The following NCS1 variants were observed in gnomAD, a reference collection of about 807,000 sequenced individuals.
NCS1 encodes the protein neuronal calcium sensor 1.
A neutral mutation model predicts 28.4 loss-of-function variants in NCS1; 6 were observed. That is an observed-to-expected ratio of 0.21 (90% confidence interval 0.12 to 0.42). NCS1 has a LOEUF of 0.42. NCS1 is among the 10% of genes least tolerant of loss of function. The probability of loss-of-function intolerance (pLI) is 1.00; values close to 1 mark genes in which losing one functional copy is unlikely to be tolerated. For synonymous variants in NCS1, 86 were observed against 99.3 expected, an observed-to-expected ratio of 0.87 and a Z score of 0.79; for missense variants, 131 against 241.4, an observed-to-expected ratio of 0.54 and a Z score of 3.03.
chr9:130,213,417 T>G (rs1833140542), intron 2 of NCS1, among the ~76,000 whole-genome samples: 1 of 145,292 alleles, frequency 6.9e-6, no homozygotes, highest in African/African-American at 2.6e-5. Context: ...AGCTGGGACT[T>G]ACAGGCGCCC....
At position 130,234,685 on chromosome 9, in the gene NCS1, G is replaced by C. The variant is rs553508757; in HGVS notation, c.*1713G>C. 1.3e-5 allele frequency: 2 copies of C among 152,264 alleles called. No individual in the cohort carries two copies. Among genetic ancestry groups the C allele is most frequent in the African/African-American group, 2.4e-5 (1 of 41,448 alleles). 9.4% of individuals were successfully genotyped at this position (152,264 alleles called of 1,614,324 possible). A position where few individuals can be genotyped will look rare whatever the true frequency, so the allele number is the denominator to read the frequency against. ...TGAGTCACAGCACAGCCCCTATTGC[G>C]TGGCTGCTGGTGTGTGGGGTCAGTT... On this transcript the variant is annotated 3_prime_UTR_variant, in exon 8 of 8. Coordinates refer to ENST00000372398, the MANE Select transcript of NCS1 (RefSeq NM_014286.4). The surrounding 1 kb of genome is among the most constrained non-coding windows in gnomAD (Gnocchi z 6.1).
rs549085791 is a variant in NCS1, at chr9:130,224,175, C to A, written c.474+1016C>A. 1.7e-3 allele frequency among the ~76,000 whole-genome samples: 260 copies of A among 149,430 alleles called. 1 individual carries two copies. Among genetic ancestry groups the A allele is most frequent in the African/African-American group, 6.2e-3 (253 of 40,856 alleles). On this transcript the variant is annotated intron_variant, in intron 6 of 7. Coordinates refer to ENST00000372398, the MANE Select transcript of NCS1 (RefSeq NM_014286.4). ...AACCCTTCTTTAAAGGGAACCAAAG[C>A]CAGGTGTGGTGGCTCACACCTGTAA...
chr9:130,200,175 C>T (rs1476689397), intron 1 of NCS1, among the ~76,000 whole-genome samples: 1 of 152,180 alleles, frequency 6.6e-6, no homozygotes, highest in Non-Finnish European at 1.5e-5. Context: ...GGAGCCGTCC[C>T]GCGCTCACAC....
Position 130,219,817 on chromosome 9 carries a change from C to T in NCS1, c.307+14C>T. The T allele has an allele frequency of 6.2e-7, 1 of 1,613,972 alleles. No individual in the cohort carries two copies. Among genetic ancestry groups the T allele is most frequent in the Non-Finnish European group, 8.5e-7 (1 of 1,179,878 alleles). Reference sequence around the variant, plus strand: ...AGAAGCTACGGTGTAAGTCCTGCCCCCTTGGCCCTGTGTGGCAGCAGCTGG... The same window carrying T: ...AGAAGCTACGGTGTAAGTCCTGCCCTCTTGGCCCTGTGTGGCAGCAGCTGG... On this transcript the variant is annotated intron_variant, in intron 4 of 7. Coordinates refer to ENST00000372398, the MANE Select transcript of NCS1 (RefSeq NM_014286.4). The surrounding 1 kb of genome is among the most constrained non-coding windows in gnomAD (Gnocchi z 5.7).
chr9:130,217,216 G>C (rs557509680), intron 2 of NCS1, among the ~76,000 whole-genome samples: 1 of 152,236 alleles, frequency 6.6e-6, no homozygotes, highest in South Asian at 2.1e-4. Context: ...CGTCAGCCAC[G>C]TAGGGATCTG....
chr9:130,219,631 G>T lies in NCS1; in HGVS notation c.229-94G>T. 1 of 1,150,524 alleles carries T rather than the reference G, an allele frequency of 8.7e-7. No homozygotes were observed. 71.3% of individuals were successfully genotyped at this position (1,150,524 alleles called of 1,614,324 possible). On this transcript the variant is annotated intron_variant, in intron 3 of 7. Transcript: ENST00000372398. This position sits in a 1 kb window ranked among gnomAD's most constrained non-coding sequence, Gnocchi z 5.7. ...GAGTGTCCATTGGCCACAGTGTCTGGAGCCTGCGACTGCCCCTCGCCCGTC... is the reference window on the plus strand; with the variant it reads ...GAGTGTCCATTGGCCACAGTGTCTGTAGCCTGCGACTGCCCCTCGCCCGTC...
intron 4 of NCS1, among the ~76,000 whole-genome samples, chr9:130,222,011 AAT>A (rs1357461744): frequency 6.7e-4 from 68 of 100,770 alleles, no homozygotes; most frequent in African/African-American, 2.8e-3. Flanking sequence ...TATGTATATA[AAT>A]ATATATACAT....
rs1291627273 is a variant in NCS1, at chr9:130,215,552, A to G, written c.90-2280A>G. On this transcript the variant is annotated intron_variant, in intron 2 of 7. Transcript: ENST00000372398. The surrounding 1 kb of genome is among the most constrained non-coding windows in gnomAD (Gnocchi z 4.2). Reference sequence around the variant, plus strand: ...CGCACACTGGCCGGCAGGGCAGAGGACAGGAGAGGCAGGGCGGGCTCCGAG... The same window carrying G: ...CGCACACTGGCCGGCAGGGCAGAGGGCAGGAGAGGCAGGGCGGGCTCCGAG... 2.0e-5 allele frequency among the ~76,000 whole-genome samples: 3 copies of G among 152,114 alleles called. No individual in the cohort carries two copies. The highest frequency in any genetic ancestry group is 7.2e-5 in the African/African-American group (3 of 41,402).
chr9:130,223,396 T>G (rs887752984), intron 6 of NCS1, among the ~76,000 whole-genome samples: 1 of 151,968 alleles, frequency 6.6e-6, no homozygotes, highest in African/African-American at 2.4e-5. Context: ...TTTTTTTTTG[T>G]TTGCCATGGA....
intron 5 of NCS1, 107 bp from the exon 6 acceptor site, chr9:130,222,975 G>C (rs546170569): frequency 4.7e-5 from 42 of 899,302 alleles, no homozygotes; most frequent in Admixed American, 2.0e-4. Flanking sequence ...GAAAGAAGAG[G>C]GGGGCGGCCC....
chr9:130,231,113 G>A (rs1174622063), intron 7 of NCS1, among the ~76,000 whole-genome samples: 3 of 152,110 alleles, frequency 2.0e-5, no homozygotes, highest in Non-Finnish European at 4.4e-5. Context: ...CACTTTGGGA[G>A]GTCGAGCTGT....
chr9:130,194,727 A>G (rs1360521939), intron 1 of NCS1, among the ~76,000 whole-genome samples: 2 of 152,134 alleles, frequency 1.3e-5, no homozygotes, highest in African/African-American at 4.8e-5. Context: ...GTCTGGCCCC[A>G]TGGAGAGCAT....
intron 4 of NCS1, among the ~76,000 whole-genome samples, chr9:130,220,948 C>T (rs1554910176): frequency 6.6e-6 from 1 of 151,934 alleles, no homozygotes; most frequent in Non-Finnish European, 1.5e-5. Context: ...CATCCCAGGC[C>T]CCGGGCTCTC....
intron 2 of NCS1, among the ~76,000 whole-genome samples, chr9:130,211,012 T>TTC (rs1349414893): frequency 7.7e-6 from 1 of 129,842 alleles, no homozygotes; most frequent in Non-Finnish European, 1.6e-5. Context: ...CTCCACTAAT[T>TTC]TTTTTTTTTT....
chr9:130,212,983 C>G (rs140797964), intron 2 of NCS1, among the ~76,000 whole-genome samples: 2 of 152,164 alleles, frequency 1.3e-5, no homozygotes, highest in Non-Finnish European at 2.9e-5. Flanking sequence ...CAGACCCCCC[C>G]ATCCCGTCTC....
intron 7 of NCS1, among the ~76,000 whole-genome samples, chr9:130,230,479 T>G (rs1412559025): frequency 2.6e-5 from 4 of 152,040 alleles, no homozygotes; most frequent in Non-Finnish European, 5.9e-5. Flanking sequence ...GAGGCCGAAG[T>G]GGGAGGACTG....
intron 2 of NCS1, 59 bp from the exon 3 acceptor site, chr9:130,217,773 G>C: frequency 6.2e-7 from 1 of 1,611,138 alleles, no homozygotes; most frequent in Non-Finnish European, 8.5e-7. Flanking sequence ...CGATGTTGGT[G>C]GTGGGTGGGT....
At chr9:130,189,879 A>ATATAT (rs1207119695) in intron 1 of NCS1, among the ~76,000 whole-genome samples, 18 of 37,744 alleles carry the variant, frequency 4.8e-4, no homozygotes, top group African/African-American at 1.9e-3. Context: ...AAAAAAAAAA[A>ATATAT]ATATATATAT....
chr9:130,228,670 TC>T, intron 7 of NCS1, among the ~76,000 whole-genome samples: 1 of 151,176 alleles, frequency 6.6e-6, no homozygotes, highest in East Asian at 2.0e-4. Flanking sequence ...TTTCTTTCTT[TC>T]TTTTTTTTTT....
Sources: allele counts gnomAD v4.1 joint callset (sites outside exome capture counted in the v4.1 genomes callset), GRCh38; gene constraint gnomAD v4.1.1; non-coding constraint Gnocchi (gnomAD v3.1); transcripts MANE v1.5; gene names NCBI Gene and HGNC (gene_info 2026-07-23, HGNC 2026-07-21).